PARP11: variants seen among roughly 807,000 people sequenced by gnomAD.
PARP11 encodes the protein protein mono-ADP-ribosyltransferase PARP11.
PARP11 carries 31 observed loss-of-function variants against 42.9 expected under a neutral mutation model. The ratio of observed to expected loss-of-function variants is 0.72; its 90% CI spans 0.54 to 0.98. PARP11 has a LOEUF of 0.98. Among genes scored for constraint, PARP11 ranks in the 50% least tolerant of loss-of-function variants. The pLI is 0.00. For missense variants in PARP11, 365 were observed against 413.1 expected (o/e 0.88, Z 1.01); for synonymous variants, 137 against 127.3 (o/e 1.08, Z -0.51).
intron 1 of PARP11, among the ~76,000 whole-genome samples, chr12:3,866,770 G>A (rs1173413250): frequency 6.6e-6 from 1 of 152,192 alleles, no homozygotes; most frequent in African/African-American, 2.4e-5. Flanking sequence ...TGATACTGCT[G>A]AGAAGCTAGT....
rs145234099 is a variant in PARP11 at position 3,846,320 on chromosome 12, G to T, written c.19-16302C>A. 7.4e-3 allele frequency among the ~76,000 whole-genome samples: 1,127 copies of T among 151,488 alleles called. 24 individuals carry two copies. The highest frequency in any genetic ancestry group is 0.025 in the African/African-American group (1,040 of 41,366). ...AGAACATCCAAATAAAATCAGAAAT[G>T]AAAAAGGTGACAACTGAGACCACAA... On this transcript the variant is annotated intron_variant, in intron 1 of 7. Coordinates refer to ENST00000228820, the MANE Select transcript of PARP11 (RefSeq NM_020367.6).
chr12:3,856,576 A>G (rs1472971084), intron 1 of PARP11, among the ~76,000 whole-genome samples: 13 of 152,234 alleles, frequency 8.5e-5, no homozygotes, highest in Non-Finnish European at 1.5e-5. Flanking sequence ...ATGAGATACC[A>G]TCTCACACCA....
chr12:3,814,703 C>T lies in PARP11; in HGVS notation c.549-515G>A, dbSNP rs946754811. 3.3e-5 allele frequency among the ~76,000 whole-genome samples: 5 copies of T among 152,164 alleles called. No individual in the cohort carries two copies. The South Asian group carries it at 6.2e-4, about 19-fold the overall frequency. ...TCCTCTTCCCAAGGATAAATCTATC[C>T]TAACACATAAAAGCATATTTAATGT... On this transcript the variant is annotated intron_variant, in intron 6 of 7. Transcript: ENST00000228820.
intron 1 of PARP11, among the ~76,000 whole-genome samples, chr12:3,836,525 G>A (rs1418959051): frequency 1.3e-5 from 2 of 151,688 alleles, no homozygotes; most frequent in Admixed American, 6.6e-5. Flanking sequence ...AATAATCCAT[G>A]GGGGATAAAA....
chr12:3,870,750 A>G (rs1948462099), intron 1 of PARP11, among the ~76,000 whole-genome samples: 1 of 152,220 alleles, frequency 6.6e-6, no homozygotes. Context: ...TGAAAGATTT[A>G]AAACCTTGAG....
At chr12:3,869,347 T>C (rs1457835869) in intron 1 of PARP11, among the ~76,000 whole-genome samples, 1 of 152,212 alleles carries the variant, frequency 6.6e-6, no homozygotes, top group Non-Finnish European at 1.5e-5. Context: ...GCCAGAGTAA[T>C]CTTTTTAAAA....
At chr12:3,858,798 T>C (rs1368295432) in intron 1 of PARP11, among the ~76,000 whole-genome samples, 6 of 152,194 alleles carry the variant, frequency 3.9e-5, no homozygotes, top group Non-Finnish European at 1.5e-5. Flanking sequence ...AATTTATGTA[T>C]GAATATTCAG....
At chr12:3,870,411 C>G (rs1374453381) in intron 1 of PARP11, among the ~76,000 whole-genome samples, 1 of 152,204 alleles carries the variant, frequency 6.6e-6, no homozygotes, top group Non-Finnish European at 1.5e-5. Flanking sequence ...CAAAATCACA[C>G]AGGTGATTTC....
chr12:3,814,221 C>G (rs760537896), intron 6 of PARP11, 33 bp from the exon 7 acceptor site: 12 of 1,521,604 alleles, frequency 7.9e-6, no homozygotes, highest in African/African-American at 1.4e-5. Context: ...CACAAAAGCA[C>G]ACAGAAATAT....
chr12:3,827,746 C>T (rs2138040263), intron 3 of PARP11, among the ~76,000 whole-genome samples: 1 of 152,248 alleles, frequency 6.6e-6, no homozygotes, highest in African/African-American at 2.4e-5. Context: ...CTGGACAAAT[C>T]CCCTTCACTG....
intron 1 of PARP11, 25 bp downstream of exon 1, chr12:3,873,187 C>T (rs1948526743): frequency 1.3e-6 from 2 of 1,535,972 alleles, no homozygotes; most frequent in African/African-American, 1.4e-5. Context: ...CCCCTGGGCC[C>T]GCCCCGTCCC....
In PARP11 at chr12:3,810,480, C is replaced by T. The variant is rs1175143964; in HGVS notation, c.*1643G>A. On this transcript the variant is annotated 3_prime_UTR_variant, in exon 8 of 8. Transcript: ENST00000228820. The stretch of plus-strand genomic sequence containing the variant: ...TGGTATGCACCTGTAGTCCCAGTAA[C>T]TGGAGAAGCTGAGGCAAGAGAATTG... 7 of 152,306 alleles carry T rather than the reference C, an allele frequency of 4.6e-5. No homozygotes were observed. Among genetic ancestry groups the T allele is most frequent in the African/African-American group, 1.7e-4 (7 of 41,326 alleles). The allele number at this position is 152,306 out of a possible 1,614,324, so 9.4% of individuals were successfully genotyped here. A position where few individuals can be genotyped will look rare whatever the true frequency, so the allele number is the denominator to read the frequency against.
At chr12:3,838,996 G>A (rs969049223) in intron 1 of PARP11, among the ~76,000 whole-genome samples, 4 of 152,146 alleles carry the variant, frequency 2.6e-5, no homozygotes, top group Non-Finnish European at 5.9e-5. Context: ...CAGCGAGGCC[G>A]TCGGGAAGTG....
chr12:3,822,112 C>T lies in PARP11; in HGVS notation c.390G>A (p.Glu130=), dbSNP rs1206887721. 1 of 1,614,030 alleles carries T rather than the reference C, an allele frequency of 6.2e-7. No individual in the cohort carries two copies. The highest frequency in any genetic ancestry group is 8.5e-7 in the Non-Finnish European group (1 of 1,179,930). The stretch of plus-strand genomic sequence containing the variant: ...GATATGGTACTTGAGTATTCACATT[C>T]TCCCAGTGTGGTGGCATAGGGATGG... ...NEAIPMPPHW[E]NVNTQVPYQL... The change falls in exon 5 of 8, where the codon GAG becomes GAA. Residue 130 remains glutamate (E), a synonymous_variant. Transcript: ENST00000228820.
At chr12:3,835,923 T>C (rs375362108) in intron 1 of PARP11, among the ~76,000 whole-genome samples, 25 of 152,106 alleles carry the variant, frequency 1.6e-4, no homozygotes, top group African/African-American at 5.8e-4. Flanking sequence ...TGCACCAACA[T>C]ATAAATAACT....
intron 1 of PARP11, chr12:3,832,155 C>T: frequency 1.0e-6 from 1 of 977,290 alleles, no homozygotes. Context: ...GAAAGTGTTT[C>T]AGCAACATCC....
intron 1 of PARP11, among the ~76,000 whole-genome samples, chr12:3,857,250 C>T (rs1212239594): frequency 6.6e-6 from 1 of 151,828 alleles, no homozygotes. Context: ...ACGTTGTGCA[C>T]ATGTACCCTG....
intron 6 of PARP11, among the ~76,000 whole-genome samples, chr12:3,819,750 T>C (rs1189970587): frequency 6.6e-6 from 1 of 152,158 alleles, no homozygotes; most frequent in Non-Finnish European, 1.5e-5. Context: ...ACTCTCTGAC[T>C]TCCACTCTGG....
chr12:3,856,565 A>C (rs572951096), intron 1 of PARP11, among the ~76,000 whole-genome samples: 18 of 152,348 alleles, frequency 1.2e-4, no homozygotes, highest in African/African-American at 4.3e-4. Flanking sequence ...ACAAAACCAC[A>C]ATGAGATACC....
Sources: gnomAD v4.1 joint callset for allele counts (sites outside exome capture counted in the v4.1 genomes callset) on GRCh38, gnomAD v4.1.1 for gene constraint, MANE v1.5 for transcripts, NCBI Gene and HGNC (gene_info 2026-07-23, HGNC 2026-07-21) for gene names.